The following SMC5 variants were observed in gnomAD, a reference collection of about 807,000 sequenced individuals.
The protein encoded by SMC5 is structural maintenance of chromosomes protein 5.
A neutral mutation model predicts 148.3 loss-of-function variants in SMC5; 88 were observed. The ratio of observed to expected loss-of-function variants is 0.59; its 90% CI spans 0.50 to 0.71. The LOEUF (loss-of-function observed/expected upper bound fraction) is 0.71, where lower values mean the gene tolerates loss of function less well. Ranked by LOEUF, SMC5 falls within the 30% of genes least tolerant of loss-of-function variation. The pLI, the probability that SMC5 is intolerant of heterozygous loss-of-function variation, is 0.00. For synonymous variants in SMC5, 421 were observed against 432.8 expected, an observed-to-expected ratio of 0.97 and a Z score of 0.34; for missense variants, 1,142 against 1,298.9, an observed-to-expected ratio of 0.88 and a Z score of 1.86.
intron 8 of SMC5, among the ~76,000 whole-genome samples, chr9:70,286,940 C>T (rs915206923): frequency 5.9e-5 from 9 of 152,236 alleles, no homozygotes; most frequent in African/African-American, 1.4e-4. Context: ...TGGCCTCGAA[C>T]GCCTGAGCTC....
At chr9:70,277,123 C>T (rs2034614554) in intron 3 of SMC5, among the ~76,000 whole-genome samples, 187 bp from the exon 4 acceptor site, 1 of 152,036 alleles carries the variant, frequency 6.6e-6, no homozygotes, top group Admixed American at 6.6e-5. Flanking sequence ...CTGATGTGGT[C>T]AATTATGGCA....
intron 10 of SMC5, among the ~76,000 whole-genome samples, chr9:70,304,550 G>C (rs1430924344): frequency 2.0e-5 from 3 of 152,130 alleles, no homozygotes; most frequent in Admixed American, 2.0e-4. Flanking sequence ...AGCTGGGCAT[G>C]GTGACAGATG....
chr9:70,344,216 A>C lies in SMC5; in HGVS notation c.2470A>C (p.Arg824=), dbSNP rs2036602950. The change falls in exon 18 of 25, where the codon AGG becomes CGG. Residue 824 remains arginine (R), a synonymous_variant. Transcript: ENST00000361138. ...ATGCAAGGAACTTATGAAAAGAGCT[A>C]GGCAAGTATGTAACCTGGGTGCAGA... is the stretch of plus-strand genomic sequence containing the variant. ...QKCKELMKRA[R]QVCNLGAEQT... is the part of the protein sequence containing the mutation. The C allele has an allele frequency of 1.3e-6, 2 of 1,555,740 alleles. No individual in the cohort carries two copies. The highest frequency in any genetic ancestry group is 1.7e-6 in the Non-Finnish European group (2 of 1,149,006).
At chr9:70,281,280 G>A (rs1320504249) in intron 6 of SMC5, among the ~76,000 whole-genome samples, 1 of 152,102 alleles carries the variant, frequency 6.6e-6, no homozygotes, top group East Asian at 1.9e-4. Context: ...GACCTCAGGT[G>A]ATCTGCCCCC....
chr9:70,322,956 A>G (rs1049328734), intron 15 of SMC5, among the ~76,000 whole-genome samples: 2 of 151,944 alleles, frequency 1.3e-5, no homozygotes, highest in Admixed American at 6.6e-5. Context: ...ACCCATTCCA[A>G]CTTATCTCCC....
At chr9:70,341,775 T>C (rs2036529915) in intron 17 of SMC5, among the ~76,000 whole-genome samples, 1 of 152,092 alleles carries the variant, frequency 6.6e-6, no homozygotes, top group African/African-American at 2.4e-5. Flanking sequence ...ATAGGAACAC[T>C]TTTACACTGT....
intron 13 of SMC5, among the ~76,000 whole-genome samples, chr9:70,316,497 T>C (rs2035806937): frequency 6.6e-6 from 1 of 152,014 alleles, no homozygotes; most frequent in Admixed American, 6.6e-5. Flanking sequence ...GGTAATCATT[T>C]GGGAAAACCA....
chr9:70,259,357 T>A, intron 1 of SMC5, 94 bp downstream of exon 1: 4 of 1,316,070 alleles, frequency 3.0e-6, no homozygotes, highest in Non-Finnish European at 4.1e-6. Flanking sequence ...CGTGTGGGTG[T>A]GTACCTGGCT....
chr9:70,275,341 T>C (rs1587627107), intron 3 of SMC5, among the ~76,000 whole-genome samples: 1 of 152,128 alleles, frequency 6.6e-6, no homozygotes, highest in East Asian at 1.9e-4. Flanking sequence ...CTACAGGCAC[T>C]CACCACCAGG....
intron 1 of SMC5, 55 bp from the exon 2 acceptor site, chr9:70,264,249 C>T: frequency 6.6e-7 from 1 of 1,514,412 alleles, no homozygotes; most frequent in South Asian, 1.3e-5. Flanking sequence ...TAATGTAAAG[C>T]AAGGAAAAGT....
intron 7 of SMC5, among the ~76,000 whole-genome samples, chr9:70,283,446 G>A (rs1487753116): frequency 6.6e-6 from 1 of 152,072 alleles, no homozygotes. Context: ...CAGCATGGGT[G>A]ACAGAGCGAG....
rs1007254113 is a variant in SMC5 at position 70,259,007 on chromosome 9, G to T, written c.-72G>T. 36 of 1,481,898 alleles carry T rather than the reference G, an allele frequency of 2.4e-5. No homozygotes were observed. The African/African-American group carries it at 3.7e-4, about 15-fold the overall frequency. The allele number at this position is 1,481,898 out of a possible 1,614,324, so 91.8% of individuals were successfully genotyped here. A position where few individuals can be genotyped will look rare whatever the true frequency, so the allele number is the denominator to read the frequency against. On this transcript the variant is annotated 5_prime_UTR_variant, in exon 1 of 25. Coordinates refer to ENST00000361138, the MANE Select transcript of SMC5 (RefSeq NM_015110.4). ...CGCGCGGGAGCGGGGCGCCTGGGTG[G>T]ATGGGCGCTTGGGCGCCTGGGCTGC...
chr9:70,319,891 T>C (rs990181541), intron 15 of SMC5, among the ~76,000 whole-genome samples: 2 of 152,202 alleles, frequency 1.3e-5, no homozygotes, highest in African/African-American at 4.8e-5. Flanking sequence ...CTGTTAAGAA[T>C]TGGGAAGCTG....
At chr9:70,292,980 T>TGGCA (rs2035105247) in intron 8 of SMC5, among the ~76,000 whole-genome samples, 1 of 152,138 alleles carries the variant, frequency 6.6e-6, no homozygotes, top group Non-Finnish European at 1.5e-5. Context: ...TGCCTAGTTT[T>TGGCA]GGTATTAGGA....
At chr9:70,291,255 CTT>C (rs2035053549) in intron 8 of SMC5, among the ~76,000 whole-genome samples, 1 of 152,150 alleles carries the variant, frequency 6.6e-6, no homozygotes, top group Non-Finnish European at 1.5e-5. Context: ...GTTTCCCAGT[CTT>C]TGTTGAGGAT....
chr9:70,323,719 A>T lies in SMC5; in HGVS notation c.2274+113A>T, dbSNP rs563469341. On this transcript the variant is annotated intron_variant, in intron 16 of 24. Coordinates refer to ENST00000361138, the MANE Select transcript of SMC5 (RefSeq NM_015110.4). Reference sequence around the variant, plus strand: ...GATTAAGGTTTTTGACATTTTAGTTATATAAGCAAGAGATCTTTATCATCA... The same window carrying T: ...GATTAAGGTTTTTGACATTTTAGTTTTATAAGCAAGAGATCTTTATCATCA... 51 of 1,212,858 alleles carry T rather than the reference A, an allele frequency of 4.2e-5. No homozygotes were observed. The South Asian group carries it at 6.6e-4, about 16-fold the overall frequency. The allele number at this position is 1,212,858 out of a possible 1,614,324, so 75.1% of individuals were successfully genotyped here. A position where few individuals can be genotyped will look rare whatever the true frequency, so the allele number is the denominator to read the frequency against.
chr9:70,319,930 T>G (rs980329377), intron 15 of SMC5, among the ~76,000 whole-genome samples: 2 of 152,246 alleles, frequency 1.3e-5, no homozygotes, highest in African/African-American at 4.8e-5. Context: ...ACAGATTTTC[T>G]AAAATTCAAA....
chr9:70,284,089 A>G (rs911032697), intron 7 of SMC5, among the ~76,000 whole-genome samples: 1 of 152,232 alleles, frequency 6.6e-6, no homozygotes, highest in Non-Finnish European at 1.5e-5. Flanking sequence ...GAGAAAGGCC[A>G]TATCTAGGAA....
At chr9:70,345,562 GA>G (rs1358957575) in intron 18 of SMC5, among the ~76,000 whole-genome samples, 1 of 151,952 alleles carries the variant, frequency 6.6e-6, no homozygotes, top group Non-Finnish European at 1.5e-5. Flanking sequence ...TCCAGACAGA[GA>G]AAATAGCTCA....
Sources: gnomAD v4.1 joint callset for allele counts (sites outside exome capture counted in the v4.1 genomes callset) on GRCh38, gnomAD v4.1.1 for gene constraint, MANE v1.5 for transcripts, NCBI Gene and HGNC (gene_info 2026-07-23, HGNC 2026-07-21) for gene names.